Variants in MAP6 observed in about 807,000 individuals in gnomAD.
MAP6 encodes microtubule-associated protein 6.
Under a neutral mutation model 42.4 loss-of-function variants are expected in MAP6, and 26 were observed. The observed-to-expected ratio is 0.61, with a 90% confidence interval of 0.45 to 0.85. The LOEUF (loss-of-function observed/expected upper bound fraction) is 0.85. Among genes scored for constraint, MAP6 ranks in the 40% least tolerant of loss-of-function variants. The pLI is 0.00. For missense variants in MAP6, 966 were observed against 1,099.0 expected, an observed-to-expected ratio of 0.88 and a Z score of 1.71; for synonymous variants, 418 against 443.8, an observed-to-expected ratio of 0.94 and a Z score of 0.73.
intron 1 of MAP6, among the ~76,000 whole-genome samples, chr11:75,632,229 A>G (rs1241186682): frequency 6.6e-6 from 1 of 152,176 alleles, no homozygotes; most frequent in Non-Finnish European, 1.5e-5. Context: ...TCACCCAGCT[A>G]GTAAGAAGTA....
At chr11:75,635,072 G>A (rs1943346746) in intron 1 of MAP6, among the ~76,000 whole-genome samples, 2 of 152,184 alleles carry the variant, frequency 1.3e-5, no homozygotes, top group Non-Finnish European at 2.9e-5. Flanking sequence ...GAAAGTTTAA[G>A]GCTCATAAAA....
intron 1 of MAP6, among the ~76,000 whole-genome samples, chr11:75,650,698 T>C (rs917827510): frequency 1.3e-5 from 2 of 152,204 alleles, no homozygotes; most frequent in African/African-American, 4.8e-5. Flanking sequence ...TGTATCATAC[T>C]GCCCTATTTT....
At chr11:75,626,439 G>A (rs562706889) in intron 1 of MAP6, among the ~76,000 whole-genome samples, 2 of 152,322 alleles carry the variant, frequency 1.3e-5, no homozygotes, top group African/African-American at 4.8e-5. Context: ...GAGGAGTGAC[G>A]TGATGATGTG....
chr11:75,607,179 G>C, intron 2 of MAP6: 1 of 957,662 alleles, frequency 1.0e-6, no homozygotes, highest in Non-Finnish European at 1.2e-6. Context: ...TAAAATGGAA[G>C]AATCCCAGGC....
intron 3 of MAP6, 36 bp downstream of exon 3, chr11:75,605,772 G>C (rs771304705): frequency 2.5e-6 from 4 of 1,604,190 alleles, no homozygotes; most frequent in Non-Finnish European, 3.4e-6. Context: ...GAGGGAGAGA[G>C]AGAGAAGAGT....
chr11:75,604,836 CCT>C, intron 3 of MAP6: 1 of 985,462 alleles, frequency 1.0e-6, no homozygotes, highest in Non-Finnish European at 1.2e-6. Context: ...GCACCGCTGC[CCT>C]CTCTGAGGAG....
intron 1 of MAP6, among the ~76,000 whole-genome samples, chr11:75,610,271 C>T (rs1942869200): frequency 6.6e-6 from 1 of 152,260 alleles, no homozygotes; most frequent in Admixed American, 6.5e-5. Flanking sequence ...CTACCAACAA[C>T]TCAGACTCAA....
At chr11:75,636,495 A>T (rs761763754) in intron 1 of MAP6, among the ~76,000 whole-genome samples, 32 of 152,132 alleles carry the variant, frequency 2.1e-4, no homozygotes, top group Non-Finnish European at 4.0e-4. Flanking sequence ...GGCCTTAGTG[A>T]TGCTCTGGAA....
At chr11:75,629,101 T>C (rs516573) in intron 1 of MAP6, among the ~76,000 whole-genome samples, 70,891 of 151,932 alleles carry the variant, frequency 0.47, 16,815 homozygotes, top group Middle Eastern at 0.59. Context: ...TTTATTTTTA[T>C]TTTTTGAGAC....
chr11:75,620,629 A>G (rs1486922529), intron 1 of MAP6, among the ~76,000 whole-genome samples: 1 of 152,232 alleles, frequency 6.6e-6, no homozygotes, highest in Non-Finnish European at 1.5e-5. Flanking sequence ...ACAGGCTAAT[A>G]TTCCTCATGA....
chr11:75,668,421 G>T lies in MAP6; in HGVS notation c.-52C>A. Reference sequence around the variant, plus strand: ...CTTTCTTCTTGTGGTTCTAAAGCAAGTCTCTATAATCTTCCTTCAGCCTCC... The same window carrying T: ...CTTTCTTCTTGTGGTTCTAAAGCAATTCTCTATAATCTTCCTTCAGCCTCC... On this transcript the variant is annotated 5_prime_UTR_variant, in exon 1 of 4. Transcript: ENST00000304771. 6.5e-7 allele frequency: 1 copy of T among 1,544,224 alleles called. No homozygotes were observed. Among genetic ancestry groups the T allele is most frequent in the Non-Finnish European group, 8.7e-7 (1 of 1,152,114 alleles).
Position 75,668,061 on chromosome 11 carries a change from C to T in MAP6, c.309G>A (p.Gly103=). The T allele has an allele frequency of 2.4e-6, 3 of 1,228,008 alleles. No individual in the cohort carries two copies. The highest frequency in any genetic ancestry group is 6.5e-5 in the East Asian group (2 of 30,642). The allele number at this position is 1,228,008 out of a possible 1,614,324, so 76.1% of individuals were successfully genotyped here. Residue 103 remains glycine, a synonymous_variant, in exon 1 of 4, where the codon GGG becomes GGA. Coordinates refer to ENST00000304771, the MANE Select transcript of MAP6 (RefSeq NM_033063.2). ...REPAAGPGRS[G]PGPGLGSGST... is the part of the protein sequence containing the mutation. ...AGCCGGAGCCCAGGCCCGGGCCCGG[C>T]CCGCTCCGGCCGGGGCCCGCCGCCG... is the stretch of plus-strand genomic sequence containing the variant.
chr11:75,587,723 T>C lies in MAP6; in HGVS notation c.1778A>G (p.Lys593Arg). Residue 593 changes from lysine to arginine, a missense_variant, in exon 4 of 4, where the codon AAG becomes AGG. Coordinates refer to ENST00000304771, the MANE Select transcript of MAP6 (RefSeq NM_033063.2). ...TGCTGAGACCATGGGACCTTGATCC[T>C]TGACAGATGCTGAGACCATGGGACC... ...DEGPMVSASV[K>R]DQGPMVSAPV... 1 of 1,609,240 alleles carries C rather than the reference T, an allele frequency of 6.2e-7. No individual in the cohort carries two copies. The highest frequency in any genetic ancestry group is 8.5e-7 in the Non-Finnish European group (1 of 1,177,220).
At chr11:75,619,086 AGTGT>A (rs1295300776) in intron 1 of MAP6, among the ~76,000 whole-genome samples, 2 of 152,102 alleles carry the variant, frequency 1.3e-5, no homozygotes, top group African/African-American at 4.8e-5. Flanking sequence ...CAAGCAGGAA[AGTGT>A]GTGTGAGTGT....
chr11:75,634,997 G>A (rs930442504), intron 1 of MAP6, among the ~76,000 whole-genome samples: 4 of 152,134 alleles, frequency 2.6e-5, no homozygotes, highest in South Asian at 4.1e-4. Flanking sequence ...CAAAATAGGC[G>A]GCCAGGATTT....
At chr11:75,609,109 G>A (rs1352642814) in intron 1 of MAP6, among the ~76,000 whole-genome samples, 1 of 152,256 alleles carries the variant, frequency 6.6e-6, no homozygotes, top group East Asian at 1.9e-4. Flanking sequence ...CAATGTGTCA[G>A]TTTTCTTGTT....
intron 1 of MAP6, among the ~76,000 whole-genome samples, chr11:75,656,428 G>A (rs1943750615): frequency 6.6e-6 from 1 of 152,224 alleles, no homozygotes; most frequent in Admixed American, 6.5e-5. Context: ...TAATAACGAT[G>A]TGTATTATGT....
intron 1 of MAP6, among the ~76,000 whole-genome samples, chr11:75,658,105 C>T (rs1458950809): frequency 2.6e-5 from 4 of 152,118 alleles, no homozygotes; most frequent in Non-Finnish European, 5.9e-5. Flanking sequence ...TGTTTTAGTT[C>T]TTAGCTATTA....
Position 75,635,253 on chromosome 11 carries a change from G to A in MAP6, c.906-26931C>T, listed in dbSNP as rs1019269520. On this transcript the variant is annotated intron_variant, in intron 1 of 3. Coordinates refer to ENST00000304771, the MANE Select transcript of MAP6 (RefSeq NM_033063.2). ...AGTCCTCGTTCACACCTCACTTCCT[G>A]TGAAATCTTGGGCTTGTGACAGGAC... Among the ~76,000 whole-genome samples, 3 of 152,184 alleles carry A rather than the reference G, an allele frequency of 2.0e-5. No individual in the cohort carries two copies. The East Asian group carries it at 5.8e-4, about 29-fold the overall frequency.
Sources: allele counts gnomAD v4.1 joint callset (sites outside exome capture counted in the v4.1 genomes callset), GRCh38; gene constraint gnomAD v4.1.1; transcripts MANE v1.5; gene names NCBI Gene and HGNC (gene_info 2026-07-23, HGNC 2026-07-21).